The following UNC5D variants were observed in gnomAD, a reference collection of about 807,000 sequenced individuals.
UNC5D encodes unc-5 netrin receptor D, also known as netrin receptor UNC5D.
A neutral mutation model predicts 105.4 loss-of-function variants in UNC5D; 39 were observed. That is an observed-to-expected ratio of 0.37 (90% CI 0.29 to 0.48). The LOEUF (loss-of-function observed/expected upper bound fraction) is 0.48, where lower values mean the gene tolerates loss of function less well. UNC5D is among the 20% of genes least tolerant of loss of function. The pLI is 0.98. For missense variants in UNC5D, 991 were observed against 1,202.4 expected (o/e 0.82, Z 2.60); for synonymous variants, 452 against 450.4 (o/e 1.00, Z -0.04).
chr8:35,791,483 T>G lies in UNC5D; in HGVS notation c.*920T>G, dbSNP rs1803039697. 1 of 152,140 alleles carries G rather than the reference T, an allele frequency of 6.6e-6. No homozygotes were observed. The highest frequency in any genetic ancestry group is 2.4e-5 in the African/African-American group (1 of 41,434). The allele number at this position is 152,140 out of a possible 1,614,324, so 9.4% of individuals were successfully genotyped here. A position where few individuals can be genotyped will look rare whatever the true frequency, so the allele number is the denominator to read the frequency against. ...GATGCCATAGGCCTCAAATCAGCTG[T>G]AATTCTAGGAGACACGTGTTGATCT... On this transcript the variant is annotated 3_prime_UTR_variant, in exon 17 of 17. Coordinates refer to ENST00000404895, the MANE Select transcript of UNC5D (RefSeq NM_080872.4).
chr8:35,337,196 C>T (rs957999689), intron 1 of UNC5D, among the ~76,000 whole-genome samples: 5 of 152,026 alleles, frequency 3.3e-5, no homozygotes, highest in African/African-American at 4.8e-5. Flanking sequence ...TGGACGTCTT[C>T]GATATATTTG....
At chr8:35,658,712 C>T (rs535465814) in intron 4 of UNC5D, among the ~76,000 whole-genome samples, 2 of 143,996 alleles carry the variant, frequency 1.4e-5, no homozygotes, top group Admixed American at 1.4e-4. Flanking sequence ...AGTGCAGTGG[C>T]GCGACCTCGG....
intron 10 of UNC5D, among the ~76,000 whole-genome samples, chr8:35,728,687 A>G (rs1829024501): frequency 6.6e-6 from 1 of 152,216 alleles, no homozygotes; most frequent in Non-Finnish European, 1.5e-5. Context: ...CTCTAATGCC[A>G]TCCATCCTAA....
At chr8:35,674,944 A>T (rs931700305) in intron 4 of UNC5D, among the ~76,000 whole-genome samples, 51 of 152,198 alleles carry the variant, frequency 3.4e-4, no homozygotes, top group Non-Finnish European at 7.4e-5. Context: ...GTAGCCTTCC[A>T]GCTTTTCCCT....
intron 1 of UNC5D, among the ~76,000 whole-genome samples, chr8:35,361,983 C>G (rs1216584487): frequency 6.6e-6 from 1 of 152,018 alleles, no homozygotes; most frequent in Non-Finnish European, 1.5e-5. Flanking sequence ...AATTGGTAAA[C>G]CTTACGCAAT....
intron 3 of UNC5D, among the ~76,000 whole-genome samples, chr8:35,586,043 C>G (rs535050232): frequency 6.6e-6 from 1 of 151,962 alleles, no homozygotes; most frequent in Non-Finnish European, 1.5e-5. Context: ...GAGGCCGAGG[C>G]GGGTGGATCA....
intron 1 of UNC5D, among the ~76,000 whole-genome samples, chr8:35,493,861 C>T (rs941659674): frequency 5.3e-5 from 8 of 151,974 alleles, no homozygotes; most frequent in Admixed American, 5.2e-4. Flanking sequence ...TAGAATATAC[C>T]ATGGGCAAAG....
At chr8:35,589,112 T>C (rs1337585754) in intron 3 of UNC5D, among the ~76,000 whole-genome samples, 1 of 152,154 alleles carries the variant, frequency 6.6e-6, no homozygotes, top group Admixed American at 6.5e-5. Flanking sequence ...GAATTAGATG[T>C]ATTTAATAAT....
intron 2 of UNC5D, among the ~76,000 whole-genome samples, chr8:35,559,391 C>G (rs1025357574): frequency 1.3e-5 from 2 of 152,164 alleles, no homozygotes; most frequent in African/African-American, 4.8e-5. Context: ...CAGAGAACTT[C>G]CAAATGATTG....
At chr8:35,433,753 G>A (rs916351052) in intron 1 of UNC5D, among the ~76,000 whole-genome samples, 8 of 151,430 alleles carry the variant, frequency 5.3e-5, no homozygotes, top group African/African-American at 1.9e-4. Context: ...GGAGGCTGAG[G>A]CAGGAGAATT....
At chr8:35,726,948 T>A in intron 10 of UNC5D, 2 of 187,250 alleles carry the variant, frequency 1.1e-5, no homozygotes, top group Non-Finnish European at 2.3e-5. Flanking sequence ...TTTAGTGAAA[T>A]GACATCTCAT....
intron 1 of UNC5D, among the ~76,000 whole-genome samples, chr8:35,298,913 G>T (rs1319536823): frequency 6.6e-6 from 1 of 152,058 alleles, no homozygotes; most frequent in African/African-American, 2.4e-5. Flanking sequence ...TTGAATAAAG[G>T]GTAATGTTAT....
At chr8:35,308,116 A>AGTGTG (rs1808578091) in intron 1 of UNC5D, among the ~76,000 whole-genome samples, 3 of 105,650 alleles carry the variant, frequency 2.8e-5, no homozygotes. Context: ...GTCACAATGT[A>AGTGTG]TGTGTGTGTG....
intron 13 of UNC5D, among the ~76,000 whole-genome samples, chr8:35,755,308 A>T (rs1830464815): frequency 6.6e-6 from 1 of 152,190 alleles, no homozygotes; most frequent in African/African-American, 2.4e-5. Context: ...GCACTCCTAT[A>T]CAGTACTCTT....
At chr8:35,269,620 A>T (rs902725309) in intron 1 of UNC5D, among the ~76,000 whole-genome samples, 81 of 150,232 alleles carry the variant, frequency 5.4e-4, no homozygotes, top group African/African-American at 1.8e-3. Context: ...CAACTTATTT[A>T]AAAAAAATTT....
chr8:35,687,496 G>C (rs1370800539), intron 7 of UNC5D, among the ~76,000 whole-genome samples: 2 of 151,272 alleles, frequency 1.3e-5, no homozygotes, highest in Admixed American at 1.3e-4. Flanking sequence ...ACCTGAGGAA[G>C]TGGGTGGCTT....
chr8:35,586,520 C>T (rs191956003), intron 3 of UNC5D, among the ~76,000 whole-genome samples: 142 of 152,214 alleles, frequency 9.3e-4, no homozygotes, highest in African/African-American at 2.9e-3. Context: ...CCTTGACTTC[C>T]GGTTTGCTGG....
intron 3 of UNC5D, among the ~76,000 whole-genome samples, chr8:35,591,273 A>G (rs1351476612): frequency 6.6e-6 from 1 of 152,124 alleles, no homozygotes; most frequent in Non-Finnish European, 1.5e-5. Flanking sequence ...AGCAAAAAAT[A>G]AAAAAGAATT....
chr8:35,450,454 G>GT (rs1304535806), intron 1 of UNC5D, among the ~76,000 whole-genome samples: 1 of 151,972 alleles, frequency 6.6e-6, no homozygotes, highest in Non-Finnish European at 1.5e-5. Context: ...TATCAAGATT[G>GT]TTTTTTTCCT....
Sources: allele counts gnomAD v4.1 joint callset (sites outside exome capture counted in the v4.1 genomes callset), GRCh38; gene constraint gnomAD v4.1.1; transcripts MANE v1.5; gene names NCBI Gene and HGNC (gene_info 2026-07-23, HGNC 2026-07-21).